Variants in RAB6B observed in about 807,000 individuals in gnomAD.
RAB6B encodes the protein ras-related protein Rab-6B.
Under a neutral mutation model 31.2 loss-of-function variants are expected in RAB6B, and 7 were observed. The observed-to-expected ratio is 0.22, with a 90% CI of 0.13 to 0.42. RAB6B has a LOEUF of 0.42. RAB6B is among the 10% of genes least tolerant of loss of function. RAB6B has a pLI of 1.00. For synonymous variants in RAB6B, 105 were observed against 104.9 expected, an observed-to-expected ratio of 1.00 and a Z score of -0.01; for missense variants, 149 against 280.6, an observed-to-expected ratio of 0.53 and a Z score of 3.35.
chr3:133,880,200 C>A (rs1047645613), intron 1 of RAB6B, among the ~76,000 whole-genome samples: 1 of 152,202 alleles, frequency 6.6e-6, no homozygotes, highest in Non-Finnish European at 1.5e-5. Flanking sequence ...CCCATCCAAC[C>A]AGCATGGAGT....
At chr3:133,868,889 A>C (rs1452502546) in intron 1 of RAB6B, among the ~76,000 whole-genome samples, 1 of 152,162 alleles carries the variant, frequency 6.6e-6, no homozygotes, top group Non-Finnish European at 1.5e-5. Flanking sequence ...CCAATGAGTT[A>C]GTTATTATTC....
rs1408626485 is a variant in RAB6B, at chr3:133,864,594, T to C, written c.119A>G (p.Asn40Ser). ...CACCCAGGACCTCACCTGGTATGTG[T>C]TGTCGAAGCTGTCGTACATGAACCT... Reference protein sequence around the residue: ...ITRFMYDSFDNTYQATIGIDF... With the variant: ...ITRFMYDSFDSTYQATIGIDF... The change falls in exon 2 of 8, where the codon AAC becomes AGC. Residue 40 changes from asparagine to serine, a missense_variant. Asn to Ser is a conservative substitution (Grantham distance 46). This residue lies in a region of RAB6B where 75 missense variants were observed against 180.1 expected (regional missense o/e 0.42). Coordinates refer to ENST00000285208, the MANE Select transcript of RAB6B (RefSeq NM_016577.4). 3 of 1,614,148 alleles carry C rather than the reference T, an allele frequency of 1.9e-6. No homozygotes were observed. The Admixed American group carries it at 5.0e-5, about 27-fold the overall frequency.
chr3:133,854,098 T>G lies in RAB6B; in HGVS notation c.129+10486A>C, dbSNP rs1936040140. ...CACACTGGCAAATAAAAGGCTCTGA[T>G]GAGTTCTGCACTGAAGAAACACGAA... On this transcript the variant is annotated intron_variant, in intron 2 of 7. Transcript: ENST00000285208. Among the ~76,000 whole-genome samples the G allele has an allele frequency of 2.6e-5, 4 of 152,328 alleles. No homozygotes were observed. The South Asian group carries it at 8.3e-4, about 32-fold the overall frequency.
intron 2 of RAB6B, among the ~76,000 whole-genome samples, chr3:133,852,120 A>G (rs575123134): frequency 2.6e-5 from 4 of 152,362 alleles, no homozygotes; most frequent in Admixed American, 2.6e-4. Context: ...AAGATTGCCA[A>G]GCATCAAAGC....
chr3:133,862,991 A>T (rs777548785), intron 2 of RAB6B, among the ~76,000 whole-genome samples: 2 of 152,270 alleles, frequency 1.3e-5, no homozygotes, highest in Non-Finnish European at 2.9e-5. Context: ...AGACTTCAGA[A>T]CTAAGTCTGT....
intron 4 of RAB6B, among the ~76,000 whole-genome samples, chr3:133,840,968 G>A (rs532711373): frequency 1.3e-5 from 2 of 152,158 alleles, no homozygotes; most frequent in Non-Finnish European, 2.9e-5. Context: ...GAGAGGGAGG[G>A]TGCAGAGAGG....
intron 2 of RAB6B, among the ~76,000 whole-genome samples, chr3:133,853,459 G>A (rs1936030275): frequency 6.6e-6 from 1 of 151,496 alleles, no homozygotes; most frequent in South Asian, 2.1e-4. Flanking sequence ...GGGATGGGGA[G>A]CATATGTCTG....
intron 1 of RAB6B, among the ~76,000 whole-genome samples, chr3:133,889,716 T>C (rs1936611622): frequency 6.6e-6 from 1 of 152,062 alleles, no homozygotes; most frequent in South Asian, 2.1e-4. Flanking sequence ...AGTGCTGGGA[T>C]TACAGGCGTA....
rs577215707 is a variant in RAB6B, at chr3:133,824,909, C to T, written c.*3879G>A. 2.0e-5 allele frequency: 3 copies of T among 152,120 alleles called. No individual in the cohort carries two copies. In the South Asian group the frequency reaches 6.2e-4, roughly 32 times the overall value. The allele number at this position is 152,120 out of a possible 1,614,324, so 9.4% of individuals were successfully genotyped here. A position where few individuals can be genotyped will look rare whatever the true frequency, so the allele number is the denominator to read the frequency against. The stretch of plus-strand genomic sequence containing the variant: ...AAATGGAAACTTCACTGGTTCTGAT[C>T]ACTCCTAACTTGCTGGGTGATCTTA... On this transcript the variant is annotated 3_prime_UTR_variant, in exon 8 of 8. Coordinates refer to ENST00000285208, the MANE Select transcript of RAB6B (RefSeq NM_016577.4).
intron 1 of RAB6B, among the ~76,000 whole-genome samples, chr3:133,872,104 G>A (rs1936334117): frequency 6.6e-6 from 1 of 152,178 alleles, no homozygotes; most frequent in Non-Finnish European, 1.5e-5. Context: ...CTGCATCCCC[G>A]GCCCACAGCC....
intron 7 of RAB6B, among the ~76,000 whole-genome samples, chr3:133,834,068 T>C (rs904029996): frequency 6.6e-5 from 10 of 151,986 alleles, no homozygotes; most frequent in African/African-American, 2.2e-4. Context: ...GGTTTGTGGG[T>C]GATGCGCAAT....
Position 133,851,981 on chromosome 3 carries a change from G to A in RAB6B, c.130-10318C>T, listed in dbSNP as rs116812283. Among the ~76,000 whole-genome samples, 1,123 of 152,224 alleles carry A rather than the reference G, an allele frequency of 7.4e-3. 14 individuals carry two copies. Among genetic ancestry groups the A allele is most frequent in the African/African-American group, 0.026 (1,069 of 41,516 alleles). On this transcript the variant is annotated intron_variant, in intron 2 of 7. Coordinates refer to ENST00000285208, the MANE Select transcript of RAB6B (RefSeq NM_016577.4). ...ACTAATGAGAAACGACCACACTTGGGTGTCATTCATGCCACCTCCATGGAG... is the reference window on the plus strand; with the variant it reads ...ACTAATGAGAAACGACCACACTTGGATGTCATTCATGCCACCTCCATGGAG...
At chr3:133,889,421 TA>T (rs1936602666) in intron 1 of RAB6B, among the ~76,000 whole-genome samples, 4 of 62,166 alleles carry the variant, frequency 6.4e-5, no homozygotes, top group South Asian at 5.7e-4. Context: ...TATATATATA[TA>T]TATATATATA....
chr3:133,882,464 T>C (rs1049590192), intron 1 of RAB6B, among the ~76,000 whole-genome samples: 2 of 152,146 alleles, frequency 1.3e-5, no homozygotes, highest in African/African-American at 4.8e-5. Context: ...CACAGTCAGG[T>C]TCCTAAGAGA....
At position 133,895,495 on chromosome 3, in the gene RAB6B, G is replaced by C. The variant is rs1457250243; in HGVS notation, c.-29C>G. On this transcript the variant is annotated 5_prime_UTR_variant, in exon 1 of 8. Coordinates refer to ENST00000285208, the MANE Select transcript of RAB6B (RefSeq NM_016577.4). ...GCTGGCAGCCGGGGCCGGGAGAGGA[G>C]GAGGAGGAAAAAGCGAAGGAGCAGG... 1.9e-6 allele frequency: 3 copies of C among 1,609,030 alleles called. No individual in the cohort carries two copies. The East Asian group carries it at 6.7e-5, about 36-fold the overall frequency.
rs192207828 is a variant in RAB6B, at chr3:133,840,245, A to T, written c.290-628T>A. ...TGCACTCAAAAATCCAGGAGAGACA[A>T]GGCCACTTCTGGGCAGCCTGACCCC... is the stretch of plus-strand genomic sequence containing the variant. On this transcript the variant is annotated intron_variant, in intron 4 of 7. Coordinates refer to ENST00000285208, the MANE Select transcript of RAB6B (RefSeq NM_016577.4). Among the ~76,000 whole-genome samples, 3 of 152,298 alleles carry T rather than the reference A, an allele frequency of 2.0e-5. No homozygotes were observed. The East Asian group carries it at 5.8e-4, about 29-fold the overall frequency.
intron 1 of RAB6B, among the ~76,000 whole-genome samples, chr3:133,875,843 G>A (rs1413992670): frequency 6.6e-6 from 1 of 152,164 alleles, no homozygotes. Context: ...CTTACCCTAA[G>A]AAACGCTGGT....
At chr3:133,864,935 C>T (rs1936215171) in intron 1 of RAB6B, among the ~76,000 whole-genome samples, 1 of 152,214 alleles carries the variant, frequency 6.6e-6, no homozygotes, top group African/African-American at 2.4e-5. Flanking sequence ...TTCCTTGACC[C>T]AGGAGAACCC....
intron 5 of RAB6B, among the ~76,000 whole-genome samples, chr3:133,839,094 G>T (rs962077231): frequency 6.6e-6 from 1 of 152,244 alleles, no homozygotes; most frequent in South Asian, 2.1e-4. Context: ...CTAGGGCCCA[G>T]GGCATTCACA....
Sources: allele counts gnomAD v4.1 joint callset (sites outside exome capture counted in the v4.1 genomes callset), GRCh38; gene constraint gnomAD v4.1.1; regional missense constraint gnomAD v4.1.1; transcripts MANE v1.5; gene names NCBI Gene and HGNC (gene_info 2026-07-23, HGNC 2026-07-21).